PRRG1: variants seen among roughly 807,000 people sequenced by gnomAD.
PRRG1 encodes the protein proline rich and Gla domain 1.
In PRRG1, 5 loss-of-function variants were observed where a neutral mutation model predicts 11.8. That is an observed-to-expected ratio of 0.42 (90% CI 0.22 to 0.89). The LOEUF is 0.89. Ranked by LOEUF, PRRG1 falls within the 40% of genes least tolerant of loss-of-function variation. The pLI is 0.28. For missense variants in PRRG1, 155 were observed against 166.1 expected, an observed-to-expected ratio of 0.93 and a Z score of 0.37; for synonymous variants, 66 against 60.4, an observed-to-expected ratio of 1.09 and a Z score of -0.43.
intron 1 of PRRG1, among the ~76,000 whole-genome samples, chrX:37,367,758 G>A (rs782300539): frequency 8.9e-6 from 1 of 112,332 alleles, no homozygotes; most frequent in East Asian, 2.8e-4. Context: ...AGCTATGAAT[G>A]CTGAGACTTA....
intron 1 of PRRG1, among the ~76,000 whole-genome samples, chrX:37,360,885 T>C (rs1172066114): frequency 8.9e-6 from 1 of 112,697 alleles, no homozygotes; most frequent in Non-Finnish European, 1.9e-5. Flanking sequence ...AATAACTGTA[T>C]GTCAAACCTT....
At chrX:37,401,758 C>G (rs1277414351) in intron 1 of PRRG1, among the ~76,000 whole-genome samples, 228 of 111,153 alleles carry the variant, frequency 2.1e-3, no homozygotes, top group Admixed American at 3.2e-3. Context: ...CCCAAAATCT[C>G]CTTAAGCTGA....
intron 1 of PRRG1, among the ~76,000 whole-genome samples, chrX:37,384,021 G>GA (rs368250820): frequency 9.2e-4 from 85 of 92,444 alleles, no homozygotes; most frequent in Middle Eastern, 0.011. Context: ...ACTCATAAAA[G>GA]AAAAAAAAAA....
At chrX:37,413,074 C>A (rs1462569813) in intron 2 of PRRG1, among the ~76,000 whole-genome samples, 1 of 111,240 alleles carries the variant, frequency 9.0e-6, no homozygotes, top group African/African-American at 3.3e-5. Flanking sequence ...GTCACTTAAT[C>A]CCTTCCCATT....
intron 3 of PRRG1, chrX:37,441,010 C>A: frequency 1.2e-6 from 1 of 868,370 alleles, no homozygotes; most frequent in Non-Finnish European, 1.5e-6. Context: ...CTCAAGTGAT[C>A]CTCCTACCTT....
intron 2 of PRRG1, among the ~76,000 whole-genome samples, chrX:37,420,474 T>A (rs1556386608): frequency 9.1e-6 from 1 of 109,833 alleles, no homozygotes; most frequent in East Asian, 2.8e-4. Context: ...AAGTCCTCAT[T>A]CTCTGTTCTT....
At chrX:37,380,907 G>A (rs1931132070) in intron 1 of PRRG1, among the ~76,000 whole-genome samples, 2 of 111,491 alleles carry the variant, frequency 1.8e-5, no homozygotes, top group South Asian at 7.5e-4. Context: ...CACTGATTCT[G>A]TAAACCAACT....
At chrX:37,385,634 A>G (rs187181242) in intron 1 of PRRG1, among the ~76,000 whole-genome samples, 19 of 111,257 alleles carry the variant, frequency 1.7e-4, no homozygotes, top group Non-Finnish European at 3.4e-4. Context: ...AGAGCAATCT[A>G]GGAGCAACTC....
intron 3 of PRRG1, among the ~76,000 whole-genome samples, chrX:37,436,530 A>G (rs1384489621): frequency 1.8e-5 from 2 of 112,180 alleles, no homozygotes; most frequent in East Asian, 5.6e-4. Context: ...TAGTGATTAC[A>G]AGAAATACTG....
At chrX:37,444,383 C>T (rs1207972710) in intron 3 of PRRG1, among the ~76,000 whole-genome samples, 1 of 112,221 alleles carries the variant, frequency 8.9e-6, no homozygotes, top group African/African-American at 3.2e-5. Flanking sequence ...GGTTTCTTAA[C>T]TTCAGATTGC....
chrX:37,436,295 A>G (rs1452659973), intron 3 of PRRG1, among the ~76,000 whole-genome samples: 1 of 112,090 alleles, frequency 8.9e-6, no homozygotes, highest in Non-Finnish European at 1.9e-5. Flanking sequence ...AAACTGAGTT[A>G]TTGATATCCA....
At chrX:37,434,139 C>T (rs1009971531) in intron 3 of PRRG1, among the ~76,000 whole-genome samples, 11 of 112,386 alleles carry the variant, frequency 9.8e-5, no homozygotes, top group South Asian at 3.7e-4. Flanking sequence ...AATACTTTTA[C>T]TCATACGTGG....
intron 1 of PRRG1, among the ~76,000 whole-genome samples, chrX:37,360,000 C>T (rs192636194): frequency 9.0e-6 from 1 of 110,680 alleles, no homozygotes; most frequent in African/African-American, 3.3e-5. Context: ...TAGTGATGTC[C>T]TTTCTTTCAT....
At chrX:37,398,857 G>A (rs1463097903) in intron 1 of PRRG1, among the ~76,000 whole-genome samples, 2 of 110,802 alleles carry the variant, frequency 1.8e-5, no homozygotes, top group African/African-American at 6.6e-5. Flanking sequence ...GAGCCGATGC[G>A]ATCAACTGGA....
At chrX:37,410,247 A>G (rs1490514914) in intron 2 of PRRG1, among the ~76,000 whole-genome samples, 3 of 112,072 alleles carry the variant, frequency 2.7e-5, no homozygotes, top group Non-Finnish European at 5.6e-5. Context: ...TTGAGTTGTA[A>G]GACAACCCTA....
In PRRG1 at chrX:37,456,240, C is replaced by T. The variant is rs1184070888; in HGVS notation, c.*2619C>T. On this transcript the variant is annotated 3_prime_UTR_variant, in exon 4 of 4. Coordinates refer to ENST00000378628, the MANE Select transcript of PRRG1 (RefSeq NM_001142395.2). ...CCAGATTCTCAATAAATGTTAAGAG[C>T]GTAAGTGTAAGGGGGTCCAGAGACC... is the stretch of plus-strand genomic sequence containing the variant. The T allele has an allele frequency of 4.5e-4, 50 of 111,710 alleles. 1 individual carries two copies. Among genetic ancestry groups the T allele is most frequent in the Non-Finnish European group, 5.6e-5 (3 of 53,111 alleles). The allele number at this position is 111,710 out of a possible 1,213,427, so 9.2% of individuals were successfully genotyped here.
At chrX:37,377,842 C>T (rs1364235489) in intron 1 of PRRG1, among the ~76,000 whole-genome samples, 1 of 111,613 alleles carries the variant, frequency 9.0e-6, no homozygotes. Flanking sequence ...TGTACGCAGA[C>T]TGGGAAACCT....
chrX:37,406,034 C>T (rs1292974422), intron 1 of PRRG1, among the ~76,000 whole-genome samples, 175 bp from the exon 2 acceptor site: 1 of 111,791 alleles, frequency 8.9e-6, no homozygotes, highest in Non-Finnish European at 1.9e-5. Context: ...TGCTTCTGTC[C>T]TCTGAGGTTA....
intron 3 of PRRG1, 98 bp downstream of exon 3, chrX:37,426,098 T>A: frequency 1.3e-5 from 12 of 917,380 alleles, no homozygotes; most frequent in Non-Finnish European, 1.8e-5. Flanking sequence ...TGCTAGCAAT[T>A]AAAAATTCCT....
Sources: gnomAD v4.1 joint callset for allele counts (sites outside exome capture counted in the v4.1 genomes callset) on GRCh38, gnomAD v4.1.1 for gene constraint, MANE v1.5 for transcripts, NCBI Gene and HGNC (gene_info 2026-07-23, HGNC 2026-07-21) for gene names.